SNTG2: variants seen among roughly 807,000 people sequenced by gnomAD.
SNTG2 encodes syntrophin gamma 2, also known as gamma-2-syntrophin.
Under a neutral mutation model 70.9 loss-of-function variants are expected in SNTG2, and 74 were observed. The ratio of observed to expected loss-of-function variants is 1.04; its 90% CI spans 0.86 to 1.27. The LOEUF (loss-of-function observed/expected upper bound fraction) is 1.27. Ranked by LOEUF, SNTG2 falls within the 50% of genes most tolerant of loss-of-function variation. The pLI is 0.00. For missense variants in SNTG2, 717 were observed against 690.7 expected (o/e 1.04, Z -0.43); for synonymous variants, 278 against 273.8 (o/e 1.02, Z -0.15).
intron 9 of SNTG2, among the ~76,000 whole-genome samples, chr2:1,212,617 A>G (rs987858930): frequency 6.6e-6 from 1 of 152,226 alleles, no homozygotes; most frequent in Non-Finnish European, 1.5e-5. Context: ...TGGGCAGGAA[A>G]GGGCAAATAA....
intron 2 of SNTG2, among the ~76,000 whole-genome samples, chr2:1,096,987 C>T (rs1034800304): frequency 3.3e-5 from 5 of 152,112 alleles, no homozygotes; most frequent in Non-Finnish European, 5.9e-5. Flanking sequence ...GCAAAGCCCC[C>T]GAAATACGGC....
At chr2:1,069,489 G>GA (rs5828802) in intron 1 of SNTG2, among the ~76,000 whole-genome samples, 25,009 of 143,684 alleles carry the variant, frequency 0.17, 2,243 homozygotes, top group Non-Finnish European at 0.22. Flanking sequence ...CTGAGGCTAG[G>GA]AAAAAAAAAA....
At chr2:1,150,710 T>C (rs1669422552) in intron 6 of SNTG2, among the ~76,000 whole-genome samples, 1 of 18,284 alleles carries the variant, frequency 5.5e-5, no homozygotes, top group Non-Finnish European at 2.5e-4. Context: ...GCAAATGTCG[T>C]GTTAGAGTAT....
chr2:1,323,544 G>C (rs201813104), intron 16 of SNTG2, among the ~76,000 whole-genome samples: 10 of 102,850 alleles, frequency 9.7e-5, no homozygotes, highest in East Asian at 5.8e-4. Flanking sequence ...CAGTCACATG[G>C]CTAAGACCCC....
chr2:1,186,074 T>A (rs538352376), intron 8 of SNTG2, among the ~76,000 whole-genome samples: 8 of 152,312 alleles, frequency 5.3e-5, no homozygotes, highest in Admixed American at 2.6e-4. Flanking sequence ...GCTCAGAAAT[T>A]TCTTCCACCA....
At chr2:1,123,347 T>C (rs1444448657) in intron 4 of SNTG2, among the ~76,000 whole-genome samples, 1 of 152,140 alleles carries the variant, frequency 6.6e-6, no homozygotes, top group African/African-American at 2.4e-5. Context: ...GGTGTTGGTA[T>C]AAAAAACAGA....
rs191152179 is a variant in SNTG2, at chr2:1,363,943, C to T, written c.1489-3400C>T. 2.0e-3 allele frequency among the ~76,000 whole-genome samples: 309 copies of T among 151,752 alleles called. 1 individual carries two copies. The highest frequency in any genetic ancestry group is 7.1e-3 in the African/African-American group (292 of 41,348). Reference sequence around the variant, plus strand: ...TTAGTGTGGAATTTAGTGGTGTGACCGATTTCACTGCTAGCTAGTAATTTC... The same window carrying T: ...TTAGTGTGGAATTTAGTGGTGTGACTGATTTCACTGCTAGCTAGTAATTTC... On this transcript the variant is annotated intron_variant, in intron 16 of 16. Coordinates refer to ENST00000308624, the MANE Select transcript of SNTG2 (RefSeq NM_018968.4).
chr2:1,303,140 A>G (rs1680529808), intron 14 of SNTG2, among the ~76,000 whole-genome samples: 1 of 152,358 alleles, frequency 6.6e-6, no homozygotes, highest in Middle Eastern at 3.4e-3. Context: ...ATCAACTAAA[A>G]GAATCCAGTA....
intron 8 of SNTG2, among the ~76,000 whole-genome samples, chr2:1,203,803 A>G (rs751491017): frequency 6.6e-6 from 1 of 151,936 alleles, no homozygotes; most frequent in Non-Finnish European, 1.5e-5. Context: ...AACAAATCGA[A>G]AGAAGGATCA....
At chr2:961,211 A>T (rs950515507) in intron 1 of SNTG2, among the ~76,000 whole-genome samples, 1 of 151,378 alleles carries the variant, frequency 6.6e-6, no homozygotes, top group Admixed American at 6.6e-5. Flanking sequence ...ATTTTATTTT[A>T]TTTTTTTATT....
chr2:1,145,285 T>C (rs568104017), intron 6 of SNTG2, among the ~76,000 whole-genome samples: 3 of 37,492 alleles, frequency 8.0e-5, no homozygotes, highest in East Asian at 7.0e-4. Flanking sequence ...GAAATCAAGA[T>C]AGGAAAAAAA....
chr2:1,221,312 T>C (rs1674767298), intron 9 of SNTG2, among the ~76,000 whole-genome samples: 1 of 151,916 alleles, frequency 6.6e-6, no homozygotes, highest in Non-Finnish European at 1.5e-5. Flanking sequence ...TCTCTGTCTC[T>C]GTCTCTCCCT....
At chr2:954,133 C>A (rs1231362426) in intron 1 of SNTG2, among the ~76,000 whole-genome samples, 1 of 152,192 alleles carries the variant, frequency 6.6e-6, no homozygotes, top group Non-Finnish European at 1.5e-5. Flanking sequence ...GAGCTGCTCT[C>A]AGGCTCTGCT....
At chr2:1,249,517 C>G (rs1677635341) in intron 12 of SNTG2, among the ~76,000 whole-genome samples, 1 of 152,204 alleles carries the variant, frequency 6.6e-6, no homozygotes, top group Non-Finnish European at 1.5e-5. Flanking sequence ...GGAGTATACT[C>G]TCTCTGGTCT....
intron 4 of SNTG2, among the ~76,000 whole-genome samples, chr2:1,114,100 A>G (rs1024537274): frequency 2.6e-5 from 4 of 151,562 alleles, no homozygotes; most frequent in African/African-American, 9.7e-5. Flanking sequence ...GTGAGGGTTA[A>G]CCCTTACAGT....
At chr2:1,189,349 A>G (rs1306308386) in intron 8 of SNTG2, among the ~76,000 whole-genome samples, 1 of 151,316 alleles carries the variant, frequency 6.6e-6, no homozygotes, top group Admixed American at 6.6e-5. Context: ...ATATCGTATG[A>G]GGATAATTTT....
At chr2:1,211,804 A>G (rs1345170763) in intron 9 of SNTG2, among the ~76,000 whole-genome samples, 2 of 152,192 alleles carry the variant, frequency 1.3e-5, no homozygotes, top group Non-Finnish European at 2.9e-5. Context: ...ACAATTCAAG[A>G]TGAGATTTGG....
chr2:1,247,327 G>C lies in SNTG2; in HGVS notation c.889G>C (p.Val297Leu). The C allele has an allele frequency of 6.5e-7, 1 of 1,532,752 alleles. No homozygotes were observed. The highest frequency in any genetic ancestry group is 1.5e-5 in the African/African-American group (1 of 67,776). 94.9% of individuals were successfully genotyped at this position (1,532,752 alleles called of 1,614,324 possible). A position where few individuals can be genotyped will look rare whatever the true frequency, so the allele number is the denominator to read the frequency against. ...ANKCCSPSDQ[V>L]VHMGWVNEKL... is the part of the protein sequence containing the mutation. ...GTTTGTAATTTTCACCCCTCTGCAG[G>C]TTGTGCATATGGGGTGGGTAAATGA... Residue 297 changes from valine (V) to leucine (L), a missense_variant and splice_region_variant, in exon 12 of 17, where the codon GTT becomes CTT. Val to Leu is a conservative substitution (Grantham distance 32, BLOSUM62 1). Transcript: ENST00000308624.
At chr2:988,696 T>A (rs1661404274) in intron 1 of SNTG2, among the ~76,000 whole-genome samples, 1 of 152,066 alleles carries the variant, frequency 6.6e-6, no homozygotes, top group African/African-American at 2.4e-5. Context: ...TGCCTGCTGG[T>A]CATTTTAGGA....
Sources: gnomAD v4.1 joint callset for allele counts (sites outside exome capture counted in the v4.1 genomes callset) on GRCh38, gnomAD v4.1.1 for gene constraint, MANE v1.5 for transcripts, NCBI Gene and HGNC (gene_info 2026-07-23, HGNC 2026-07-21) for gene names.